TMEM132D: variants seen among roughly 807,000 people sequenced by gnomAD.
TMEM132D encodes transmembrane protein 132D, also known as mature OL transmembrane protein.
In TMEM132D, 21 loss-of-function variants were observed where a neutral mutation model predicts 62.3. That is an observed-to-expected ratio of 0.34 (90% CI 0.24 to 0.49). The LOEUF (loss-of-function observed/expected upper bound fraction) is 0.49. Among genes scored for constraint, TMEM132D ranks in the 20% least tolerant of loss-of-function variants. The pLI, the probability that TMEM132D is intolerant of heterozygous loss-of-function variation, is 0.99. For synonymous variants in TMEM132D, 621 were observed against 575.6 expected (o/e 1.08, Z -1.13); for missense variants, 1,346 against 1,402.8 (o/e 0.96, Z 0.65).
intron 4 of TMEM132D, among the ~76,000 whole-genome samples, chr12:129,323,916 T>TA (rs1014263071): frequency 3.3e-5 from 5 of 151,958 alleles, no homozygotes; most frequent in Non-Finnish European, 7.4e-5. Context: ...GGTTTTATTT[T>TA]TTTTTTTTGA....
Position 129,598,481 on chromosome 12 carries a change from A to G in TMEM132D, c.969-67276T>C, listed in dbSNP as rs139467348. Among the ~76,000 whole-genome samples, 178 of 152,326 alleles carry G rather than the reference A, an allele frequency of 1.2e-3. 1 individual carries two copies. Among genetic ancestry groups the G allele is most frequent in the African/African-American group, 4.0e-3 (166 of 41,582 alleles). On this transcript the variant is annotated intron_variant, in intron 2 of 8. Coordinates refer to ENST00000422113, the MANE Select transcript of TMEM132D (RefSeq NM_133448.3). Reference sequence around the variant, plus strand: ...TCCCAGCTCTACTGCAAAATTAGAAATAGATGATGTGTTTGGATTTTCTGT... The same window carrying G: ...TCCCAGCTCTACTGCAAAATTAGAAGTAGATGATGTGTTTGGATTTTCTGT...
In TMEM132D at chr12:129,700,456, G is replaced by A. The variant is rs2137227306; in HGVS notation, c.322C>T (p.Gln108Ter). 6.2e-7 allele frequency: 1 copy of A among 1,614,130 alleles called. No homozygotes were observed. Among genetic ancestry groups the A allele is most frequent in the East Asian group, 2.2e-5 (1 of 44,872 alleles). The change falls in exon 2 of 9, where the codon CAG (glutamine) becomes TAG (stop). Residue 108 changes from glutamine to a stop codon, truncating the protein, a stop_gained. Coordinates refer to ENST00000422113, the MANE Select transcript of TMEM132D (RefSeq NM_133448.3). LOFTEE classifies it high-confidence loss of function. ...GGGTTGGAAGGTAGCATTAAATCCT[G>A]GGGCACCACTTGCTCGATGGAGAAA... ...GPFSIEQVVP[Q>*]DLMLPSNPFG...
intron 4 of TMEM132D, among the ~76,000 whole-genome samples, chr12:129,304,902 G>A (rs906428835): frequency 2.0e-5 from 3 of 152,080 alleles, no homozygotes; most frequent in Non-Finnish European, 2.9e-5. Context: ...GCCCTCAAGT[G>A]ATCTGCCCAC....
At chr12:129,363,963 TATC>T (rs1870328780) in intron 3 of TMEM132D, among the ~76,000 whole-genome samples, 1 of 152,244 alleles carries the variant, frequency 6.6e-6, no homozygotes, top group South Asian at 2.1e-4. Context: ...GCATGTTTGT[TATC>T]AGTTTCATGT....
chr12:129,349,414 A>C (rs1566041258), intron 3 of TMEM132D, among the ~76,000 whole-genome samples: 1 of 152,110 alleles, frequency 6.6e-6, no homozygotes, highest in Non-Finnish European at 1.5e-5. Flanking sequence ...TTGTGCACCA[A>C]GGAAAAAGGA....
chr12:129,179,633 T>C (rs1409827719), intron 5 of TMEM132D, among the ~76,000 whole-genome samples: 7 of 152,200 alleles, frequency 4.6e-5, no homozygotes, highest in Admixed American at 3.9e-4. Context: ...CTTTTCTACT[T>C]TTCAGTGCTC....
intron 2 of TMEM132D, among the ~76,000 whole-genome samples, chr12:129,668,093 TTAGAA>T (rs1264679727): frequency 2.0e-5 from 3 of 151,332 alleles, no homozygotes; most frequent in African/African-American, 7.3e-5. Context: ...GATTGTGACA[TTAGAA>T]TAGAGGAAAA....
At position 129,430,888 on chromosome 12, in the gene TMEM132D, G is replaced by A. The variant is rs572945906; in HGVS notation, c.1116-93071C>T. Among the ~76,000 whole-genome samples the A allele has an allele frequency of 8.5e-5, 13 of 152,280 alleles. No individual in the cohort carries two copies. In the South Asian group the frequency reaches 1.9e-3, roughly 22 times the overall value. ...AGATAGGGAAAGAGCTCAGGAGAGT[G>A]GGGGGAGACAGGTACACTTTTAAAC... On this transcript the variant is annotated intron_variant, in intron 3 of 8. Coordinates refer to ENST00000422113, the MANE Select transcript of TMEM132D (RefSeq NM_133448.3).
At chr12:129,399,892 T>G (rs1327664334) in intron 3 of TMEM132D, among the ~76,000 whole-genome samples, 12 of 151,574 alleles carry the variant, frequency 7.9e-5, no homozygotes, top group African/African-American at 2.4e-4. Context: ...TGTGTGTGTG[T>G]GTGGGGGGGT....
intron 4 of TMEM132D, among the ~76,000 whole-genome samples, chr12:129,266,863 C>T (rs1050982195): frequency 2.6e-5 from 4 of 152,172 alleles, no homozygotes; most frequent in Admixed American, 6.5e-5. Context: ...CATCACATCT[C>T]ACCTGGGTAA....
intron 1 of TMEM132D, among the ~76,000 whole-genome samples, chr12:129,886,717 C>T (rs1308168169): frequency 6.6e-6 from 1 of 152,122 alleles, no homozygotes; most frequent in African/African-American, 2.4e-5. Context: ...CTGGCTGTGT[C>T]CCCACCCACA....
chr12:129,095,787 G>A (rs778756477), intron 5 of TMEM132D, among the ~76,000 whole-genome samples: 4 of 152,226 alleles, frequency 2.6e-5, no homozygotes, highest in South Asian at 2.1e-4. Context: ...AACCAAACCC[G>A]CACACACCTA....
chr12:129,516,468 G>C (rs769353143), intron 3 of TMEM132D, among the ~76,000 whole-genome samples: 4 of 152,310 alleles, frequency 2.6e-5, no homozygotes, highest in East Asian at 1.9e-4. Context: ...AAGGTGAAAG[G>C]CACATCTTAC....
intron 5 of TMEM132D, among the ~76,000 whole-genome samples, chr12:129,183,082 AAGC>A (rs1383989491): frequency 6.6e-6 from 1 of 152,178 alleles, no homozygotes; most frequent in Non-Finnish European, 1.5e-5. Context: ...CCCAGTGTGC[AAGC>A]ACTTACCAAA....
chr12:129,472,428 G>C (rs958798413), intron 3 of TMEM132D, among the ~76,000 whole-genome samples: 1 of 152,134 alleles, frequency 6.6e-6, no homozygotes, highest in African/African-American at 2.4e-5. Context: ...ACTGGGGCCT[G>C]TCGTTGGGTT....
chr12:129,415,510 T>C (rs1872091087), intron 3 of TMEM132D, among the ~76,000 whole-genome samples: 1 of 152,226 alleles, frequency 6.6e-6, no homozygotes, highest in African/African-American at 2.4e-5. Context: ...ATATCTAATA[T>C]TTTCTGCCAG....
intron 3 of TMEM132D, among the ~76,000 whole-genome samples, chr12:129,524,264 AAAAG>A (rs1360742951): frequency 6.6e-6 from 1 of 152,150 alleles, no homozygotes; most frequent in Non-Finnish European, 1.5e-5. Flanking sequence ...AGGTGAAAAA[AAAAG>A]AAAGAAACAG....
At chr12:129,380,488 T>C (rs74505259) in intron 3 of TMEM132D, among the ~76,000 whole-genome samples, 3,424 of 152,264 alleles carry the variant, frequency 0.022, 121 homozygotes, top group African/African-American at 0.078. Flanking sequence ...TCTAGTGCAA[T>C]ATCACAGTCA....
chr12:129,164,220 G>A (rs188760945), intron 5 of TMEM132D, among the ~76,000 whole-genome samples: 61 of 152,272 alleles, frequency 4.0e-4, no homozygotes, highest in Middle Eastern at 3.4e-3. Flanking sequence ...TGCATTTCCC[G>A]GTCAACTCAT....
Sources: gnomAD v4.1 joint callset for allele counts (sites outside exome capture counted in the v4.1 genomes callset) on GRCh38, gnomAD v4.1.1 for gene constraint, MANE v1.5 for transcripts, NCBI Gene and HGNC (gene_info 2026-07-23, HGNC 2026-07-21) for gene names.